The following CDH3 variants were observed in gnomAD, a reference collection of about 807,000 sequenced individuals.
The protein encoded by CDH3 is cadherin-3.
In CDH3, 54 loss-of-function variants were observed where a neutral mutation model predicts 82.0. The ratio of observed to expected loss-of-function variants is 0.66; its 90% CI spans 0.53 to 0.83. CDH3 has a LOEUF of 0.83. Among genes scored for constraint, CDH3 ranks in the 40% least tolerant of loss-of-function variants. The pLI, the probability that CDH3 is intolerant of heterozygous loss-of-function variation, is 0.00. For synonymous variants in CDH3, 446 were observed against 437.9 expected (o/e 1.02, Z -0.23); for missense variants, 1,054 against 1,084.6 (o/e 0.97, Z 0.40).
Position 68,645,366 on chromosome 16 carries a change from C to G in CDH3, c.-14C>G, listed in dbSNP as rs112643955. On this transcript the variant is annotated 5_prime_UTR_variant, in exon 1 of 16. Transcript: ENST00000264012. The stretch of plus-strand genomic sequence containing the variant: ...CGCCGTCGCGGCAGCTGCTTCACCC[C>G]TCTCTCTGCAGCCATGGGGCTCCCT... 1.9e-6 allele frequency: 3 copies of G among 1,612,682 alleles called. No individual in the cohort carries two copies. Among genetic ancestry groups the G allele is most frequent in the Middle Eastern group, 1.7e-4 (1 of 6,058 alleles).
downstream of CDH3, among the ~76,000 whole-genome samples, chr16:68,732,157 C>T (rs1432359042): frequency 6.6e-6 from 1 of 151,996 alleles, no homozygotes; most frequent in Non-Finnish European, 1.5e-5. Context: ...GCAGGCAGCC[C>T]AGCCCAGCAG....
chr16:68,702,193 A>G (rs977931807), downstream of CDH3, among the ~76,000 whole-genome samples: 2 of 152,110 alleles, frequency 1.3e-5, no homozygotes, highest in African/African-American at 4.8e-5. Context: ...TGCCCAGCCT[A>G]CACACATGCT....
At chr16:68,721,229 C>CTTTT (rs71148941) in intron 1 of CDH3, among the ~76,000 whole-genome samples, 18 of 114,576 alleles carry the variant, frequency 1.6e-4, no homozygotes, top group East Asian at 2.7e-4. Context: ...GCAGTTTAGT[C>CTTTT]TTTTTTTTTT....
chr16:68,685,343 G>A lies in CDH3; in HGVS notation c.1563G>A (p.Met521Ile). ...NNIYEVMVLA[M>I]DNGSPPTTGT... ...TCTATGAAGTCATGGTCTTGGCCAT[G>A]GACAATGGTGAGAGCATCCTCCCAG... The change falls in exon 11 of 16, where the codon ATG (methionine) becomes ATA (isoleucine). Residue 521 changes from methionine to isoleucine, a missense_variant. By Grantham distance (10) the Met-to-Ile change is conservative. Transcript: ENST00000264012. The A allele has an allele frequency of 6.2e-7, 1 of 1,613,998 alleles. No homozygotes were observed. Among genetic ancestry groups the A allele is most frequent in the East Asian group, 2.2e-5 (1 of 44,876 alleles).
At chr16:68,706,460 C>T (rs1292263032) in intron 1 of CDH3, among the ~76,000 whole-genome samples, 1 of 151,500 alleles carries the variant, frequency 6.6e-6, no homozygotes, top group Admixed American at 6.6e-5. Flanking sequence ...CCTTGGAGTA[C>T]ACACCTGGGC....
At chr16:68,712,038 T>TTTTC in intron 1 of CDH3, among the ~76,000 whole-genome samples, 1 of 1,430 alleles carries the variant, frequency 7.0e-4, no homozygotes, top group Admixed American at 0.019. Context: ...TTTTGTTTTC[T>TTTTC]TTTTTTTTTT....
intron 2 of CDH3, among the ~76,000 whole-genome samples, chr16:68,675,957 A>G (rs1001751514): frequency 6.6e-6 from 1 of 152,094 alleles, no homozygotes; most frequent in African/African-American, 2.4e-5. Flanking sequence ...AGCGAAATGA[A>G]CTGAAACAAC....
In CDH3 at chr16:68,707,246, C is replaced by T. The variant is rs188708058; in HGVS notation, c.99+11323C>T. Among the ~76,000 whole-genome samples, 8 of 152,188 alleles carry T rather than the reference C, an allele frequency of 5.3e-5. No individual in the cohort carries two copies. In the East Asian group the frequency reaches 5.8e-4, roughly 11 times the overall value. The stretch of plus-strand genomic sequence containing the variant: ...AGCAGAGGGACGGGTTGAGATGGGT[C>T]GAGAGTGTGTGCAGAGATGAGGTTG... On this transcript the variant is annotated intron_variant, in intron 1 of 2. Transcript: ENST00000569080. This position sits in a 1 kb window ranked among gnomAD's most constrained non-coding sequence, Gnocchi z 4.5.
intron 1 of CDH3, among the ~76,000 whole-genome samples, chr16:68,705,481 C>T (rs1172195916): frequency 1.3e-5 from 2 of 151,888 alleles, no homozygotes; most frequent in African/African-American, 2.4e-5. Context: ...AGTGCAGTGA[C>T]GCGATCTTGG....
intron 4 of CDH3, 63 bp from the exon 5 acceptor site, chr16:68,678,438 A>G (rs974387941): frequency 6.2e-7 from 1 of 1,604,590 alleles, no homozygotes; most frequent in African/African-American, 1.3e-5. Flanking sequence ...TTCACAGAGG[A>G]CTCTTTGTCA....
chr16:68,678,975 A>G, intron 6 of CDH3, 69 bp downstream of exon 6: 1 of 1,504,164 alleles, frequency 6.6e-7, no homozygotes, highest in Non-Finnish European at 9.2e-7. Context: ...AGATCCCACC[A>G]TACCTGATTT....
intron 2 of CDH3, among the ~76,000 whole-genome samples, chr16:68,674,063 T>C (rs1960965074): frequency 1.3e-5 from 2 of 152,244 alleles, no homozygotes; most frequent in South Asian, 2.1e-4. Flanking sequence ...ATTGAATTGC[T>C]AGGTCATGTG....
At chr16:68,672,365 A>G (rs1960910090) in intron 2 of CDH3, among the ~76,000 whole-genome samples, 1 of 152,166 alleles carries the variant, frequency 6.6e-6, no homozygotes, top group Non-Finnish European at 1.5e-5. Context: ...ACTTCCCTAT[A>G]TAAAGTGTTA....
At chr16:68,716,844 C>G (rs1346242383) in intron 1 of CDH3, among the ~76,000 whole-genome samples, 2 of 151,758 alleles carry the variant, frequency 1.3e-5, no homozygotes, top group Non-Finnish European at 2.9e-5. Flanking sequence ...CTGCCTCAGC[C>G]TCCCAAGTAA....
chr16:68,670,262 A>G (rs1450317781), intron 2 of CDH3, among the ~76,000 whole-genome samples: 1 of 151,374 alleles, frequency 6.6e-6, no homozygotes, highest in African/African-American at 2.4e-5. Context: ...ATTAGTACTT[A>G]AGTAGTTCTT....
chr16:68,646,404 G>A (rs953907044), intron 2 of CDH3, among the ~76,000 whole-genome samples: 1 of 152,148 alleles, frequency 6.6e-6, no homozygotes, highest in Admixed American at 6.5e-5. Context: ...GTCACTGGGG[G>A]GAGTTTGAGG....
At chr16:68,655,673 G>A (rs566600138) in intron 2 of CDH3, among the ~76,000 whole-genome samples, 7 of 148,746 alleles carry the variant, frequency 4.7e-5, no homozygotes, top group South Asian at 2.1e-4. Context: ...GTGAAACCCC[G>A]TCTCTGCTAA....
At chr16:68,703,952 A>G (rs1961927910), downstream of CDH3, among the ~76,000 whole-genome samples, 1 of 150,648 alleles carries the variant, frequency 6.6e-6, no homozygotes, top group African/African-American at 2.4e-5. Context: ...GTCTCAAATA[A>G]TAATAATCAT....
At chr16:68,683,926 G>A (rs948831712) in intron 9 of CDH3, among the ~76,000 whole-genome samples, 1 of 151,720 alleles carries the variant, frequency 6.6e-6, no homozygotes, top group African/African-American at 2.4e-5. Context: ...AATTAGCTGG[G>A]CGTGGTGGCA....
Sources: gnomAD v4.1 joint callset for allele counts (sites outside exome capture counted in the v4.1 genomes callset) on GRCh38, gnomAD v4.1.1 for gene constraint, Gnocchi (gnomAD v3.1) non-coding constraint, MANE v1.5 for transcripts, NCBI Gene and HGNC (gene_info 2026-07-23, HGNC 2026-07-21) for gene names.